IQCB1: variants seen among roughly 807,000 people sequenced by gnomAD.
IQCB1 encodes IQ calmodulin-binding motif-containing protein 1.
Under a neutral mutation model 84.4 loss-of-function variants are expected in IQCB1, and 56 were observed. That is an observed-to-expected ratio of 0.66 (90% confidence interval 0.54 to 0.83). IQCB1 has a LOEUF of 0.83. Ranked by LOEUF, IQCB1 falls within the 40% of genes least tolerant of loss-of-function variation. The pLI is 0.00. For synonymous variants in IQCB1, 210 were observed against 234.8 expected, an observed-to-expected ratio of 0.89 and a Z score of 0.96; for missense variants, 629 against 682.1, an observed-to-expected ratio of 0.92 and a Z score of 0.87.
At chr3:121,781,492 T>C (rs1257112922) in intron 13 of IQCB1, among the ~76,000 whole-genome samples, 1 of 152,134 alleles carries the variant, frequency 6.6e-6, no homozygotes, top group African/African-American at 2.4e-5. Context: ...CAAGTCTTAT[T>C]GACATAGTAT....
At chr3:121,807,242 T>C (rs1949631842) in intron 7 of IQCB1, 102 bp downstream of exon 7, 1 of 721,668 alleles carries the variant, frequency 1.4e-6, no homozygotes, top group Non-Finnish European at 2.6e-6. Flanking sequence ...TGTATATACA[T>C]TATATACAAA....
chr3:121,809,416 T>C (rs192514663), intron 5 of IQCB1, among the ~76,000 whole-genome samples: 1 of 152,148 alleles, frequency 6.6e-6, no homozygotes, highest in African/African-American at 2.4e-5. Flanking sequence ...AGGTGGTTGA[T>C]TTGGTTTTAC....
At chr3:121,799,646 A>G (rs893112221) in intron 7 of IQCB1, among the ~76,000 whole-genome samples, 1 of 151,904 alleles carries the variant, frequency 6.6e-6, no homozygotes, top group African/African-American at 2.4e-5. Context: ...GAAGCCTGCA[A>G]TCAAATCAAG....
Position 121,770,288 on chromosome 3 carries a change from C to T in IQCB1, c.*57G>A, listed in dbSNP as rs1404876480. The stretch of plus-strand genomic sequence containing the variant: ...CCCTAGTCTACCAGCATGCCAGAGG[C>T]AGAACCAATATAATCTCCTAAAATA... On this transcript the variant is annotated 3_prime_UTR_variant, in exon 15 of 15. Transcript: ENST00000310864. 3 of 1,220,104 alleles carry T rather than the reference C, an allele frequency of 2.5e-6. No homozygotes were observed. In the Admixed American group the frequency reaches 5.2e-5, roughly 21 times the overall value. 75.6% of individuals were successfully genotyped at this position (1,220,104 alleles called of 1,614,324 possible).
At position 121,789,973 on chromosome 3, in the gene IQCB1, G is replaced by T. The variant is rs889775631; in HGVS notation, c.1129+100C>A. The T allele has an allele frequency of 7.8e-6, 8 of 1,023,836 alleles. No homozygotes were observed. In the African/African-American group the frequency reaches 1.1e-4, roughly 14 times the overall value. The allele number at this position is 1,023,836 out of a possible 1,614,324, so 63.4% of individuals were successfully genotyped here. A position where few individuals can be genotyped will look rare whatever the true frequency, so the allele number is the denominator to read the frequency against. ...TGAAAAACAGAGAAAAAGGACAAAA[G>T]TCCAAATTTAAAAAAAAATCATCAC... is the stretch of plus-strand genomic sequence containing the variant. On this transcript the variant is annotated intron_variant, in intron 11 of 14. Coordinates refer to ENST00000310864, the MANE Select transcript of IQCB1 (RefSeq NM_001023570.4).
rs758303358 is a variant in IQCB1 at position 121,781,813 on chromosome 3, A to G, written c.1340T>C (p.Leu447Pro). 3 of 1,613,774 alleles carry G rather than the reference A, an allele frequency of 1.9e-6. No homozygotes were observed. Among genetic ancestry groups the G allele is most frequent in the Non-Finnish European group, 2.5e-6 (3 of 1,179,728 alleles). ...TCGGCGTGCATCAGTGAGTTCTTGG[A>G]GTCCTCGCCAAGGAGCAAATAGTTT... ...KKKLFAPWRG[L>P]QELTDARRVE... The change falls in exon 13 of 15, where the codon CTC becomes CCC. Residue 447 changes from leucine (L) to proline (P), a missense_variant. Transcript: ENST00000310864.
At chr3:121,777,910 C>CT (rs1224307296) in intron 13 of IQCB1, among the ~76,000 whole-genome samples, 464 of 141,712 alleles carry the variant, frequency 3.3e-3, no homozygotes, top group East Asian at 0.011. Context: ...TTCTTGCCCA[C>CT]TTTTTTTTTT....
At chr3:121,771,963 C>G (rs1948010025) in intron 14 of IQCB1, among the ~76,000 whole-genome samples, 1 of 152,034 alleles carries the variant, frequency 6.6e-6, no homozygotes, top group Non-Finnish European at 1.5e-5. Context: ...GTCACAAGGT[C>G]AAGAGATCGA....
In IQCB1 at chr3:121,790,195, A is replaced by T. The variant is rs774493205; in HGVS notation, c.1007T>A (p.Leu336Ter). The T allele has an allele frequency of 6.2e-7, 1 of 1,613,866 alleles. No individual in the cohort carries two copies. The highest frequency in any genetic ancestry group is 8.5e-7 in the Non-Finnish European group (1 of 1,179,774). ...RSFRSKRSKM[L>*]LEINRQKEEE... Reference sequence around the variant, plus strand: ...TTCCTTCTGCCTATTTATCTCCAGCAACATCTTTGATCGTTTGGATCTGTG... The same window carrying T: ...TTCCTTCTGCCTATTTATCTCCAGCTACATCTTTGATCGTTTGGATCTGTG... The change falls in exon 11 of 15, where the codon TTG becomes TAG. Residue 336 changes from leucine to a stop codon, truncating the protein, a stop_gained. Coordinates refer to ENST00000310864, the MANE Select transcript of IQCB1 (RefSeq NM_001023570.4). LOFTEE classifies it high-confidence loss of function.
intron 5 of IQCB1, among the ~76,000 whole-genome samples, chr3:121,812,605 T>C (rs929984762): frequency 6.6e-6 from 1 of 152,062 alleles, no homozygotes; most frequent in African/African-American, 2.4e-5. Flanking sequence ...AAACACAGCA[T>C]GAGAACTTCA....
In IQCB1 at chr3:121,799,173, AAAAG is replaced by A. The variant is rs1414600517; in HGVS notation, c.766+19_766+22del. ...AAATTTTCTTTTTGAGAATCCCAAGAAAAGAAAGAATGAATGTACTACCTTTGTA... is the reference window on the plus strand; with the variant it reads ...AAATTTTCTTTTTGAGAATCCCAAGAAAAGAATGAATGTACTACCTTTGTA... On this transcript the variant is annotated intron_variant, in intron 8 of 14. Coordinates refer to ENST00000310864, the MANE Select transcript of IQCB1 (RefSeq NM_001023570.4). The A allele has an allele frequency of 2.5e-6, 4 of 1,578,618 alleles. 1 individual carries two copies. The highest frequency in any genetic ancestry group is 2.7e-5 in the African/African-American group (2 of 73,832).
Position 121,781,632 on chromosome 3 carries a change from T to TAC in IQCB1, c.1410+109_1410+110dup, listed in dbSNP as rs57816005. 34,453 of 812,564 alleles carry TAC rather than the reference T, an allele frequency of 0.042. 150 individuals carry two copies. The highest frequency in any genetic ancestry group is 0.081 in the East Asian group (2,952 of 36,590). The allele number at this position is 812,564 out of a possible 1,614,324, so 50.3% of individuals were successfully genotyped here. A position where few individuals can be genotyped will look rare whatever the true frequency, so the allele number is the denominator to read the frequency against. ...CATTACCTTATACCAGCAATAAATG[T>TAC]ACACACACACACACACACACACACA... On this transcript the variant is annotated intron_variant, in intron 13 of 14. Transcript: ENST00000310864.
chr3:121,834,265 T>G (rs1014988851), intron 2 of IQCB1, 126 bp downstream of exon 2: 2 of 152,218 alleles, frequency 1.3e-5, no homozygotes, highest in Non-Finnish European at 2.9e-5. Context: ...AAACCACCTG[T>G]TATGGAAACC....
intron 2 of IQCB1, among the ~76,000 whole-genome samples, chr3:121,831,501 TG>T (rs1223375616): frequency 2.0e-5 from 3 of 152,164 alleles, no homozygotes; most frequent in African/African-American, 7.2e-5. Flanking sequence ...CATGTGTAGC[TG>T]GTCAGTCAGA....
chr3:121,809,810 C>CTATA (rs559991550), intron 5 of IQCB1, among the ~76,000 whole-genome samples: 2 of 151,868 alleles, frequency 1.3e-5, no homozygotes, highest in South Asian at 4.2e-4. Flanking sequence ...AATGTTTGTA[C>CTATA]TATAGCACAA....
At chr3:121,779,961 TC>T (rs1181815099) in intron 13 of IQCB1, among the ~76,000 whole-genome samples, 1 of 152,200 alleles carries the variant, frequency 6.6e-6, no homozygotes, top group Non-Finnish European at 1.5e-5. Flanking sequence ...CTATGTGAGT[TC>T]CAGACACACT....
intron 3 of IQCB1, 76 bp from the exon 4 acceptor site, chr3:121,828,708 A>G: frequency 9.0e-7 from 1 of 1,114,316 alleles, no homozygotes; most frequent in Non-Finnish European, 1.3e-6. Flanking sequence ...TATATGTTGA[A>G]TAATCACTAA....
chr3:121,833,506 T>C (rs1485193225), intron 2 of IQCB1, among the ~76,000 whole-genome samples: 2 of 152,150 alleles, frequency 1.3e-5, no homozygotes, highest in Admixed American at 6.5e-5. Flanking sequence ...CATCACTAAA[T>C]CATTATTGTC....
Position 121,781,781 on chromosome 3 carries a change from G to A in IQCB1, c.1372C>T (p.Leu458=), listed in dbSNP as rs1948505828. Reference sequence around the variant, plus strand: ...ACATAGTCATCCACTCGTTTCTTCAGTTCAACTCGGCGTGCATCAGTGAGT... The same window carrying A: ...ACATAGTCATCCACTCGTTTCTTCAATTCAACTCGGCGTGCATCAGTGAGT... The part of the protein sequence containing the change: ...QELTDARRVE[L]KKRVDDYVRR... Residue 458 remains leucine, a synonymous_variant, in exon 13 of 15, where the codon CTG becomes TTG. Coordinates refer to ENST00000310864, the MANE Select transcript of IQCB1 (RefSeq NM_001023570.4). 1 of 1,613,672 alleles carries A rather than the reference G, an allele frequency of 6.2e-7. No homozygotes were observed. Among genetic ancestry groups the A allele is most frequent in the African/African-American group, 1.3e-5 (1 of 74,884 alleles).
Sources: allele counts gnomAD v4.1 joint callset (sites outside exome capture counted in the v4.1 genomes callset), GRCh38; gene constraint gnomAD v4.1.1; transcripts MANE v1.5; gene names NCBI Gene and HGNC (gene_info 2026-07-23, HGNC 2026-07-21).